The following EXOC4 variants were observed in gnomAD, a reference collection of about 807,000 sequenced individuals.
EXOC4 encodes exocyst complex component 4.
A neutral mutation model predicts 107.2 loss-of-function variants in EXOC4; 71 were observed. That is an observed-to-expected ratio of 0.66 (90% confidence interval 0.55 to 0.81). The LOEUF (loss-of-function observed/expected upper bound fraction) is 0.81. EXOC4 is among the 30% of genes least tolerant of loss of function. The probability of loss-of-function intolerance (pLI) is 0.00; values close to 1 mark genes in which losing one functional copy is unlikely to be tolerated. For missense variants in EXOC4, 1,108 were observed against 1,189.6 expected (o/e 0.93, Z 1.01); for synonymous variants, 456 against 441.2 (o/e 1.03, Z -0.42).
chr7:133,585,566 C>T lies in EXOC4; in HGVS notation c.1418-44479C>T, dbSNP rs1280843102. Among the ~76,000 whole-genome samples, 3 of 151,594 alleles carry T rather than the reference C, an allele frequency of 2.0e-5. No individual in the cohort carries two copies. The East Asian group carries it at 5.9e-4, about 30-fold the overall frequency. On this transcript the variant is annotated intron_variant, in intron 9 of 17. Coordinates refer to ENST00000253861, the MANE Select transcript of EXOC4 (RefSeq NM_021807.4). ...ACTTGAGCCTGGAAGATTGACACTG[C>T]AGTGAGCTGTGACCACACCACTGTA...
chr7:133,500,866 CACACAAATGTGG>C (rs1253070700), intron 9 of EXOC4, among the ~76,000 whole-genome samples: 1 of 152,106 alleles, frequency 6.6e-6, no homozygotes, highest in Non-Finnish European at 1.5e-5. Flanking sequence ...TGTAGGAGGC[CACACAAATGTGG>C]ATTCAGGCCT....
At chr7:133,793,694 A>C (rs1365504636) in intron 10 of EXOC4, among the ~76,000 whole-genome samples, 1 of 151,976 alleles carries the variant, frequency 6.6e-6, no homozygotes, top group Non-Finnish European at 1.5e-5. Context: ...AAAATACAAA[A>C]ATTAGTGGGG....
Position 133,894,784 on chromosome 7 carries a change from G to A in EXOC4, c.1735-815G>A, listed in dbSNP as rs1474226994. 3.6e-5 allele frequency among the ~76,000 whole-genome samples: 3 copies of A among 83,450 alleles called. 1 individual carries two copies. Among genetic ancestry groups the A allele is most frequent in the Admixed American group, 1.8e-4 (2 of 11,132 alleles). 54.7% of individuals were successfully genotyped at this position (83,450 alleles called of 152,430 possible). On this transcript the variant is annotated intron_variant, in intron 11 of 17. Transcript: ENST00000253861. The stretch of plus-strand genomic sequence containing the variant: ...ACCCACTTGAGGAGGCAGTCTGCCC[G>A]TTCTCAGATCTCCAGCTGCGTGCTG...
At chr7:133,910,201 C>T (rs139577854) in intron 12 of EXOC4, among the ~76,000 whole-genome samples, 115 of 152,272 alleles carry the variant, frequency 7.6e-4, no homozygotes, top group African/African-American at 2.6e-3. Context: ...GGATTACAGG[C>T]GTCAACCACT....
At chr7:133,591,576 G>A (rs56803080) in intron 9 of EXOC4, among the ~76,000 whole-genome samples, 120,566 of 150,642 alleles carry the variant, frequency 0.8, 48,772 homozygotes, top group Non-Finnish European at 0.86. Flanking sequence ...GTGCGTGTGT[G>A]TGTGTGTGTG....
At chr7:134,015,746 G>A (rs576089692) in intron 17 of EXOC4, among the ~76,000 whole-genome samples, 1 of 151,952 alleles carries the variant, frequency 6.6e-6, no homozygotes, top group South Asian at 2.1e-4. Flanking sequence ...GTGGTGGCAC[G>A]TGCCTGTAAT....
At chr7:133,869,816 G>A (rs1798715054) in intron 11 of EXOC4, among the ~76,000 whole-genome samples, 1 of 152,162 alleles carries the variant, frequency 6.6e-6, no homozygotes, top group South Asian at 2.1e-4. Flanking sequence ...CCAACCTGAG[G>A]CTTTCAGCTG....
chr7:133,561,183 T>C (rs1365949859), intron 9 of EXOC4, among the ~76,000 whole-genome samples: 1 of 152,164 alleles, frequency 6.6e-6, no homozygotes, highest in Non-Finnish European at 1.5e-5. Flanking sequence ...CTCTTCTCCA[T>C]GCAGGTAAGG....
intron 9 of EXOC4, among the ~76,000 whole-genome samples, chr7:133,604,670 G>A (rs1189268019): frequency 1.5e-5 from 2 of 136,700 alleles, no homozygotes; most frequent in East Asian, 4.6e-4. Flanking sequence ...TTAACTTATA[G>A]CACTGATTTC....
At chr7:133,559,501 T>A (rs1189635450) in intron 9 of EXOC4, among the ~76,000 whole-genome samples, 1 of 152,202 alleles carries the variant, frequency 6.6e-6, no homozygotes, top group Non-Finnish European at 1.5e-5. Context: ...TTCTGTCCAT[T>A]CCCAGTGATT....
intron 10 of EXOC4, among the ~76,000 whole-genome samples, chr7:133,701,748 TA>T (rs1490467324): frequency 2.4e-4 from 36 of 152,262 alleles, no homozygotes; most frequent in Admixed American, 1.0e-3. Context: ...TAAAATGAGA[TA>T]TCTTAAGGTT....
intron 10 of EXOC4, among the ~76,000 whole-genome samples, chr7:133,663,585 T>A (rs10231829): frequency 0.43 from 64,775 of 151,608 alleles, 14,699 homozygotes; most frequent in Admixed American, 0.56. Flanking sequence ...CATTTCAATT[T>A]GTGGGATGCC....
chr7:133,440,006 T>G (rs1472479968), intron 7 of EXOC4, among the ~76,000 whole-genome samples: 1 of 152,198 alleles, frequency 6.6e-6, no homozygotes. Context: ...TACTTTTTAA[T>G]TCAATATATT....
chr7:133,370,501 C>G (rs912892518), intron 6 of EXOC4, among the ~76,000 whole-genome samples: 1 of 152,034 alleles, frequency 6.6e-6, no homozygotes, highest in Non-Finnish European at 1.5e-5. Flanking sequence ...CAATCAGATA[C>G]AAATTAATCT....
At position 133,796,118 on chromosome 7, in the gene EXOC4, A is replaced by T. The variant is rs561584151; in HGVS notation, c.1515-21207A>T. On this transcript the variant is annotated intron_variant, in intron 10 of 17. Coordinates refer to ENST00000253861, the MANE Select transcript of EXOC4 (RefSeq NM_021807.4). ...GATTGGGTCTTAATTTCCTATAGAC[A>T]TTCAAGCCTTAAAAGTTTTCAGTTA... Among the ~76,000 whole-genome samples the T allele has an allele frequency of 7.9e-5, 12 of 152,346 alleles. No homozygotes were observed. In the East Asian group the frequency reaches 2.3e-3, roughly 29 times the overall value.
chr7:133,571,774 G>C (rs1196261128), intron 9 of EXOC4, among the ~76,000 whole-genome samples: 1 of 152,180 alleles, frequency 6.6e-6, no homozygotes, highest in Non-Finnish European at 1.5e-5. Flanking sequence ...TGGCTGTCTG[G>C]TAAGAGCTGC....
At chr7:133,800,120 T>A (rs1340411166) in intron 10 of EXOC4, among the ~76,000 whole-genome samples, 1 of 136,094 alleles carries the variant, frequency 7.3e-6, no homozygotes, top group East Asian at 2.2e-4. Context: ...CTTCCCCAGA[T>A]GAGAGTCTCA....
chr7:134,029,910 A>T (rs550404312), intron 17 of EXOC4, among the ~76,000 whole-genome samples: 1 of 152,268 alleles, frequency 6.6e-6, no homozygotes, highest in South Asian at 2.1e-4. Context: ...GCTTTCTAAA[A>T]TGAGAATAGC....
At chr7:133,548,452 C>T (rs1800523762) in intron 9 of EXOC4, among the ~76,000 whole-genome samples, 2 of 152,198 alleles carry the variant, frequency 1.3e-5, no homozygotes, top group Admixed American at 1.3e-4. Context: ...ATTGACTTCT[C>T]TCTAGCTCTG....
Sources: gnomAD v4.1 joint callset for allele counts (sites outside exome capture counted in the v4.1 genomes callset) on GRCh38, gnomAD v4.1.1 for gene constraint, MANE v1.5 for transcripts, NCBI Gene and HGNC (gene_info 2026-07-23, HGNC 2026-07-21) for gene names.